SLC14A2: variants seen among roughly 807,000 people sequenced by gnomAD.
The protein encoded by SLC14A2 is urea transporter 2.
In SLC14A2, 91 loss-of-function variants were observed where a neutral mutation model predicts 104.6. That is an observed-to-expected ratio of 0.87 (90% confidence interval 0.73 to 1.04). The LOEUF (loss-of-function observed/expected upper bound fraction) is 1.04, where lower values mean the gene tolerates loss of function less well. Ranked by LOEUF, SLC14A2 falls within the 50% of genes least tolerant of loss-of-function variation. The pLI is 0.00. For synonymous variants in SLC14A2, 476 were observed against 466.4 expected (o/e 1.02, Z -0.27); for missense variants, 1,189 against 1,156.0 (o/e 1.03, Z -0.41).
chr18:45,599,326 G>T (rs903133166), intron 2 of SLC14A2, among the ~76,000 whole-genome samples: 1 of 152,122 alleles, frequency 6.6e-6, no homozygotes, highest in African/African-American at 2.4e-5. Context: ...TCATTATCCT[G>T]CTGGCAATGA....
intron 1 of SLC14A2, among the ~76,000 whole-genome samples, chr18:45,259,704 G>T (rs1011293862): frequency 6.6e-6 from 1 of 152,092 alleles, no homozygotes; most frequent in Non-Finnish European, 1.5e-5. Context: ...ATTGAAAATG[G>T]AACCAAGAAG....
In SLC14A2 at chr18:45,235,460, T is replaced by C. The variant is rs1021145488; in HGVS notation, c.-125+22269T>C. Among the ~76,000 whole-genome samples, 20 of 152,232 alleles carry C rather than the reference T, an allele frequency of 1.3e-4. 1 individual carries two copies. The highest frequency in any genetic ancestry group is 4.8e-4 in the African/African-American group (20 of 41,552). On this transcript the variant is annotated intron_variant, in intron 1 of 20. Transcript: ENST00000586448. ...TCTTTTCTAGCTATTTGAAAATATA[T>C]AGTAAATTGTTGTTAACTACAGTCA... is the stretch of plus-strand genomic sequence containing the variant.
the SLC14A2 span, among the ~76,000 whole-genome samples, chr18:45,173,668 T>C: frequency 7.2e-3 from 1,094 of 152,218 alleles, 25 homozygotes; most frequent in African/African-American, 0.025. Flanking sequence ...ACTTGAAGCA[T>C]GCATGGATAA....
intron 1 of SLC14A2, among the ~76,000 whole-genome samples, chr18:45,310,604 T>C (rs1419900323): frequency 1.3e-5 from 2 of 152,222 alleles, no homozygotes; most frequent in African/African-American, 4.8e-5. Context: ...CCATGGGGCA[T>C]TGCTAGGAAA....
chr18:45,365,183 C>T (rs145489381), intron 1 of SLC14A2, among the ~76,000 whole-genome samples: 49 of 152,352 alleles, frequency 3.2e-4, no homozygotes, highest in African/African-American at 1.1e-3. Flanking sequence ...TCTGCTTCTC[C>T]AGTGTCCCAG....
chr18:45,667,247 G>C (rs377051867), intron 13 of SLC14A2, among the ~76,000 whole-genome samples, 153 bp downstream of exon 13: 18 of 152,344 alleles, frequency 1.2e-4, no homozygotes, highest in Non-Finnish European at 1.5e-4. Context: ...TGGGAGTTTT[G>C]CTGTTAAAAC....
At chr18:45,305,620 C>A (rs1415313852) in intron 1 of SLC14A2, among the ~76,000 whole-genome samples, 3 of 152,202 alleles carry the variant, frequency 2.0e-5, no homozygotes, top group African/African-American at 7.2e-5. Context: ...CACGTGAACT[C>A]TCAATTAGAC....
intron 1 of SLC14A2, among the ~76,000 whole-genome samples, chr18:45,447,005 G>T (rs1385301969): frequency 1.3e-5 from 2 of 152,076 alleles, no homozygotes; most frequent in African/African-American, 4.8e-5. Flanking sequence ...TTCTCCTCTG[G>T]AAACCTGTTT....
chr18:45,574,165 C>A (rs907678934), intron 2 of SLC14A2, among the ~76,000 whole-genome samples: 6 of 152,104 alleles, frequency 3.9e-5, no homozygotes, highest in Admixed American at 6.6e-5. Context: ...CAGGAAGGAA[C>A]CTGCTTGCCT....
chr18:45,480,976 AAG>A (rs1463496699), intron 1 of SLC14A2, among the ~76,000 whole-genome samples: 1 of 152,124 alleles, frequency 6.6e-6, no homozygotes, highest in East Asian at 1.9e-4. Context: ...GAAGCAGACA[AAG>A]AGACCTGAAG....
intron 2 of SLC14A2, among the ~76,000 whole-genome samples, chr18:45,506,598 CA>C (rs2043289601): frequency 6.6e-6 from 1 of 152,208 alleles, no homozygotes; most frequent in African/African-American, 2.4e-5. Flanking sequence ...CATGTGAAGA[CA>C]GGCAGAAATT....
the SLC14A2 span, among the ~76,000 whole-genome samples, chr18:45,174,529 A>G: frequency 6.6e-6 from 1 of 152,194 alleles, no homozygotes; most frequent in Admixed American, 6.5e-5. Flanking sequence ...GTCTGCCAGA[A>G]TCACCGCTTA....
At chr18:45,328,671 G>A (rs1305966520) in intron 1 of SLC14A2, among the ~76,000 whole-genome samples, 1 of 152,208 alleles carries the variant, frequency 6.6e-6, no homozygotes, top group Non-Finnish European at 1.5e-5. Flanking sequence ...CTAACTGGTA[G>A]ATTACATGTT....
chr18:45,641,090 G>A, intron 7 of SLC14A2, 119 bp from the exon 8 acceptor site: 2 of 999,170 alleles, frequency 2.0e-6, no homozygotes, highest in Non-Finnish European at 3.0e-6. Context: ...TGATGGGCAG[G>A]TTTGGAGATG....
chr18:45,676,772 A>C (rs757985030), intron 18 of SLC14A2, among the ~76,000 whole-genome samples: 2 of 151,990 alleles, frequency 1.3e-5, no homozygotes, highest in Admixed American at 1.3e-4. Flanking sequence ...CCAGCCCCAT[A>C]AAGTGTGTGG....
chr18:45,623,098 G>T (rs1213839297), intron 1 of SLC14A2, among the ~76,000 whole-genome samples: 3 of 152,120 alleles, frequency 2.0e-5, no homozygotes, highest in Non-Finnish European at 4.4e-5. Flanking sequence ...TGGTCAAGGA[G>T]GGAAGGGAAG....
intron 2 of SLC14A2, among the ~76,000 whole-genome samples, chr18:45,570,462 G>C (rs1357159094): frequency 1.3e-5 from 2 of 152,208 alleles, no homozygotes; most frequent in African/African-American, 4.8e-5. Context: ...AGTGAGAAGA[G>C]AATAAGAGCA....
At chr18:45,188,989 G>A in the SLC14A2 span, among the ~76,000 whole-genome samples, 4 of 152,132 alleles carry the variant, frequency 2.6e-5, no homozygotes, top group African/African-American at 9.7e-5. Flanking sequence ...AATATTTTTT[G>A]AGCTCTGTTA....
chr18:45,232,664 G>T (rs1018518496), intron 1 of SLC14A2, among the ~76,000 whole-genome samples: 3 of 152,292 alleles, frequency 2.0e-5, no homozygotes, highest in African/African-American at 7.2e-5. Flanking sequence ...CAACTCAAGA[G>T]ACTGTATATA....
Sources: gnomAD v4.1 joint callset for allele counts (sites outside exome capture counted in the v4.1 genomes callset) on GRCh38, gnomAD v4.1.1 for gene constraint, MANE v1.5 for transcripts, NCBI Gene and HGNC (gene_info 2026-07-23, HGNC 2026-07-21) for gene names.